Variants in PCDHGB2 observed in about 807,000 individuals in gnomAD.
The protein encoded by PCDHGB2 is protocadherin gamma-B2.
PCDHGB2 carries 55 observed loss-of-function variants against 59.3 expected under a neutral mutation model. The ratio of observed to expected loss-of-function variants is 0.93; its 90% CI spans 0.75 to 1.16. The LOEUF (loss-of-function observed/expected upper bound fraction) is 1.16, where lower values mean the gene tolerates loss of function less well. Ranked by LOEUF, PCDHGB2 falls within the 50% of genes most tolerant of loss-of-function variation. PCDHGB2 has a pLI of 0.00. For missense variants in PCDHGB2, 1,228 were observed against 1,198.5 expected, an observed-to-expected ratio of 1.02 and a Z score of -0.36; for synonymous variants, 516 against 512.0, an observed-to-expected ratio of 1.01 and a Z score of -0.11.
chr5:141,491,702 T>A lies in PCDHGB2; in HGVS notation c.2422-3105T>A. The A allele has an allele frequency of 6.2e-7, 1 of 1,611,514 alleles. No homozygotes were observed. Among genetic ancestry groups the A allele is most frequent in the Non-Finnish European group, 8.5e-7 (1 of 1,178,984 alleles). ...AATACGCTGCGGGAGCGGAGCCAGG[T>A]GAGGGGCTCGGCGCCGCCCCGGGCG... On this transcript the variant is annotated intron_variant, in intron 1 of 3. Coordinates refer to ENST00000522605, the MANE Select transcript of PCDHGB2 (RefSeq NM_018923.3). The surrounding 1 kb of genome is among the most constrained non-coding windows in gnomAD (Gnocchi z 6.9).
Position 141,476,201 on chromosome 5 carries a change from G to C in PCDHGB2, c.2422-18606G>C. ...GCTTCTGCTTGGTGCCTTGAACAAG[G>C]CTTCCACGGTCATTCACTATGAGAT... is the stretch of plus-strand genomic sequence containing the variant. On this transcript the variant is annotated intron_variant, in intron 1 of 3. Coordinates refer to ENST00000522605, the MANE Select transcript of PCDHGB2 (RefSeq NM_018923.3). This position sits in a 1 kb window ranked among gnomAD's most constrained non-coding sequence, Gnocchi z 7.6. 6.2e-7 allele frequency: 1 copy of C among 1,613,986 alleles called. No individual in the cohort carries two copies. The highest frequency in any genetic ancestry group is 8.5e-7 in the Non-Finnish European group (1 of 1,180,028).
intron 1 of PCDHGB2, chr5:141,422,347 G>A (rs1456770985): frequency 3.9e-6 from 6 of 1,553,980 alleles, no homozygotes; most frequent in Non-Finnish European, 5.2e-6. Context: ...AAATGTGCAA[G>A]ATCAAGATTC....
chr5:141,408,219 C>T (rs560438654), intron 1 of PCDHGB2: 4 of 1,557,930 alleles, frequency 2.6e-6, no homozygotes, highest in East Asian at 4.8e-5. Flanking sequence ...GGGAGCTGCG[C>T]GCAGAGGCGC....
At chr5:141,457,554 G>A (rs2098924282) in intron 1 of PCDHGB2, among the ~76,000 whole-genome samples, 1 of 152,166 alleles carries the variant, frequency 6.6e-6, no homozygotes, top group Admixed American at 6.5e-5. Flanking sequence ...TGTATGATAA[G>A]CTTTGGAGCA....
At chr5:141,426,919 C>T (rs1220443930) in intron 1 of PCDHGB2, 1 of 456,620 alleles carries the variant, frequency 2.2e-6, no homozygotes, top group African/African-American at 2.0e-5. Flanking sequence ...GTCCTGGAAG[C>T]AATGGACATG....
At position 141,430,859 on chromosome 5, in the gene PCDHGB2, T is replaced by G. The variant is rs770543752; in HGVS notation, c.2422-63948T>G. The stretch of plus-strand genomic sequence containing the variant: ...GACCGGATGCACCCAGATACGCTAT[T>G]CAGTTCCGGAAGAGCTGGAGAAAGG... On this transcript the variant is annotated intron_variant, in intron 1 of 3. Transcript: ENST00000522605. 5.0e-6 allele frequency: 8 copies of G among 1,592,398 alleles called. No homozygotes were observed. The East Asian group carries it at 1.6e-4, about 31-fold the overall frequency.
At chr5:141,483,757 C>T (rs895694800) in intron 1 of PCDHGB2, among the ~76,000 whole-genome samples, 1 of 151,984 alleles carries the variant, frequency 6.6e-6, no homozygotes, top group Non-Finnish European at 1.5e-5. Flanking sequence ...AGGATCGAGG[C>T]TTGGAAAAAT....
At chr5:141,370,485 G>A (rs905115445) in intron 1 of PCDHGB2, 1 of 1,613,916 alleles carries the variant, frequency 6.2e-7, no homozygotes. Context: ...GGCTCTCTCC[G>A]AACCGATCCG....
rs557968224 is a variant in PCDHGB2, at chr5:141,360,941, G to A, written c.806G>A (p.Arg269Gln). The change falls in exon 1 of 4, where the codon CGG becomes CAG. Residue 269 changes from arginine (R) to glutamine (Q), a missense_variant. Physicochemically the swap from Arg to Gln is conservative, Grantham distance 43. Around this residue, in one of 3 missense-constraint regions of PCDHGB2, gnomAD observed 781 missense variants for 721.6 expected, o/e 1.08. Coordinates refer to ENST00000522605, the MANE Select transcript of PCDHGB2 (RefSeq NM_018923.3). ...GTGCTTCAAGTGACAGCCACCGACC[G>A]GGATGAAGGCATAAACGCAGAGATC... ...FFVLQVTATD[R>Q]DEGINAEITY... The A allele has an allele frequency of 2.5e-6, 4 of 1,613,946 alleles. No homozygotes were observed. The South Asian group carries it at 3.3e-5, about 13-fold the overall frequency.
chr5:141,395,542 TTGTGTGTGTGTGTGTGTGTG>T (rs55729045), intron 1 of PCDHGB2: 12 of 172,620 alleles, frequency 7.0e-5, no homozygotes, highest in Admixed American at 1.6e-4. Flanking sequence ...TTGCTATTGT[TTGTGTGTGTGTGTGTGTGTG>T]TGTGTGTGTG....
At chr5:141,497,245 G>T (rs779763574) in intron 2 of PCDHGB2, among the ~76,000 whole-genome samples, 2 of 152,138 alleles carry the variant, frequency 1.3e-5, no homozygotes, top group Non-Finnish European at 2.9e-5. Flanking sequence ...TCTAGGAGGA[G>T]GTGACATTGA....
At chr5:141,436,473 C>CA (rs2097825744) in intron 1 of PCDHGB2, among the ~76,000 whole-genome samples, 1 of 152,112 alleles carries the variant, frequency 6.6e-6, no homozygotes, top group Non-Finnish European at 1.5e-5. Context: ...TCAGATGTAT[C>CA]ATAGAAGGAT....
chr5:141,430,017 CTTG>C (rs1203011013), intron 1 of PCDHGB2, among the ~76,000 whole-genome samples: 6 of 152,096 alleles, frequency 3.9e-5, no homozygotes, highest in African/African-American at 1.2e-4. Context: ...CACTTGGGTT[CTTG>C]TTAAGTGTGA....
intron 1 of PCDHGB2, chr5:141,468,346 AAAAG>A (rs2099164910): frequency 6.8e-6 from 1 of 147,210 alleles, no homozygotes; most frequent in South Asian, 2.2e-4. Flanking sequence ...AAAAAAAAAA[AAAAG>A]AAAGAAAAAA....
intron 1 of PCDHGB2, among the ~76,000 whole-genome samples, chr5:141,466,183 T>G (rs145148468): frequency 2.0e-5 from 3 of 152,138 alleles, no homozygotes; most frequent in Middle Eastern, 3.4e-3. Flanking sequence ...TATTTTTATT[T>G]TTTTTCAGAC....
At chr5:141,473,919 A>G (rs2099331297) in intron 1 of PCDHGB2, among the ~76,000 whole-genome samples, 1 of 152,172 alleles carries the variant, frequency 6.6e-6, no homozygotes, top group African/African-American at 2.4e-5. Flanking sequence ...TAAGAAAACT[A>G]TGAGCTGGGT....
At chr5:141,435,055 A>T (rs148331367) in intron 1 of PCDHGB2, among the ~76,000 whole-genome samples, 5 of 152,124 alleles carry the variant, frequency 3.3e-5, no homozygotes, top group Non-Finnish European at 7.4e-5. Flanking sequence ...TTGACCATGC[A>T]GCAGTTTTGT....
At chr5:141,431,000 A>G (rs1272572092) in intron 1 of PCDHGB2, 4 of 1,613,898 alleles carry the variant, frequency 2.5e-6, no homozygotes, top group African/African-American at 1.3e-5. Flanking sequence ...GAATCCGCGC[A>G]GCGGCAGCTT....
chr5:141,393,588 A>G, intron 1 of PCDHGB2: 1 of 1,613,924 alleles, frequency 6.2e-7, no homozygotes. Context: ...GCCCCCAGGC[A>G]CGCGGCTGCT....
Sources: allele counts gnomAD v4.1 joint callset (sites outside exome capture counted in the v4.1 genomes callset), GRCh38; gene constraint gnomAD v4.1.1; regional missense constraint gnomAD v4.1.1; non-coding constraint Gnocchi (gnomAD v3.1); transcripts MANE v1.5; gene names NCBI Gene and HGNC (gene_info 2026-07-23, HGNC 2026-07-21).